Variants in PKN2 observed in about 807,000 individuals in gnomAD.
PKN2 encodes the protein protein kinase N2.
In PKN2, 38 loss-of-function variants were observed where a neutral mutation model predicts 119.1. The observed-to-expected ratio is 0.32, with a 90% CI of 0.25 to 0.42. The LOEUF is 0.42. PKN2 is among the 10% of genes least tolerant of loss of function. The pLI, the probability that PKN2 is intolerant of heterozygous loss-of-function variation, is 1.00. For synonymous variants in PKN2, 390 were observed against 384.9 expected (o/e 1.01, Z -0.15); for missense variants, 850 against 1,165.1 (o/e 0.73, Z 3.94).
chr1:88,700,519 TACTC>T (rs1666730306), intron 1 of PKN2, among the ~76,000 whole-genome samples: 1 of 152,192 alleles, frequency 6.6e-6, no homozygotes, highest in African/African-American at 2.4e-5. Flanking sequence ...AAGGAGTACA[TACTC>T]AGAGAGGCAC....
chr1:88,791,337 T>C (rs1670829279), intron 8 of PKN2, among the ~76,000 whole-genome samples: 1 of 151,482 alleles, frequency 6.6e-6, no homozygotes, highest in African/African-American at 2.4e-5. Flanking sequence ...CCTAGGAGGC[T>C]GAGGCATGCG....
chr1:88,689,421 T>C (rs944337883), intron 1 of PKN2, among the ~76,000 whole-genome samples: 1 of 152,194 alleles, frequency 6.6e-6, no homozygotes, highest in Non-Finnish European at 1.5e-5. Flanking sequence ...TAAAAACTTT[T>C]TTCTTGCCAC....
intron 8 of PKN2, among the ~76,000 whole-genome samples, chr1:88,789,013 A>T (rs1340723385): frequency 6.6e-6 from 1 of 152,190 alleles, no homozygotes; most frequent in Non-Finnish European, 1.5e-5. Context: ...CTTTATCAAT[A>T]TTAGAAACAG....
chr1:88,787,038 G>T (rs1557610940), intron 8 of PKN2, among the ~76,000 whole-genome samples: 2 of 151,456 alleles, frequency 1.3e-5, no homozygotes, highest in Non-Finnish European at 3.0e-5. Context: ...TCAATGTTTT[G>T]CAGTCTCTAA....
At chr1:88,759,362 CAGAA>C (rs1401881349) in intron 2 of PKN2, among the ~76,000 whole-genome samples, 5 of 152,056 alleles carry the variant, frequency 3.3e-5, no homozygotes, top group African/African-American at 4.8e-5. Context: ...GACTCTGTCT[CAGAA>C]AGAAAAGCCA....
At chr1:88,810,741 G>A (rs1193251001) in intron 15 of PKN2, among the ~76,000 whole-genome samples, 2 of 152,016 alleles carry the variant, frequency 1.3e-5, no homozygotes, top group Admixed American at 6.6e-5. Flanking sequence ...CAAGTAGCCA[G>A]GATTACAGGT....
intron 1 of PKN2, among the ~76,000 whole-genome samples, chr1:88,691,738 C>T (rs564536801): frequency 6.6e-6 from 1 of 152,286 alleles, no homozygotes; most frequent in African/African-American, 2.4e-5. Flanking sequence ...CCCTCCTTAT[C>T]CACGGTTTCA....
At chr1:88,697,992 C>A (rs1666610244) in intron 1 of PKN2, among the ~76,000 whole-genome samples, 1 of 152,110 alleles carries the variant, frequency 6.6e-6, no homozygotes, top group Non-Finnish European at 1.5e-5. Context: ...TGCTTAAAAT[C>A]TTTGAAGGAA....
chr1:88,684,744 C>T (rs1666004652), intron 1 of PKN2, 116 bp downstream of exon 1: 5 of 849,292 alleles, frequency 5.9e-6, no homozygotes, highest in Non-Finnish European at 3.4e-6. Flanking sequence ...CCGCTAAGTG[C>T]GGAAACTCCG....
At chr1:88,829,332 C>T (rs3767387) in intron 19 of PKN2, 37,907 of 499,806 alleles carry the variant, frequency 0.076, 3,262 homozygotes, top group African/African-American at 0.31. Flanking sequence ...TTCGCTACAC[C>T]AACAGCTCCA....
chr1:88,828,445 C>A (rs1360996146), intron 18 of PKN2, 36 bp from the exon 19 acceptor site: 1 of 1,536,308 alleles, frequency 6.5e-7, no homozygotes, highest in Non-Finnish European at 8.9e-7. Flanking sequence ...GATTTGTTTT[C>A]TTTGCTAACA....
intron 1 of PKN2, among the ~76,000 whole-genome samples, chr1:88,692,660 C>T (rs1354211254): frequency 1.3e-5 from 2 of 152,106 alleles, no homozygotes; most frequent in African/African-American, 4.8e-5. Context: ...TTTTACGTGG[C>T]TTCTTCAGTG....
intron 4 of PKN2, 116 bp downstream of exon 4, chr1:88,770,585 T>C: frequency 1.6e-6 from 1 of 628,408 alleles, no homozygotes; most frequent in Non-Finnish European, 2.8e-6. Flanking sequence ...TACTTTTTTT[T>C]TTTTTTCTTT....
intron 6 of PKN2, among the ~76,000 whole-genome samples, chr1:88,777,043 C>T (rs1035443689): frequency 6.6e-6 from 1 of 151,986 alleles, no homozygotes; most frequent in Admixed American, 6.6e-5. Flanking sequence ...TGATTTTTGC[C>T]TACATTGGTG....
At position 88,784,955 on chromosome 1, in the gene PKN2, CCT is replaced by C. The variant is rs1670512823; in HGVS notation, c.1171+132_1171+133del. ...ATAATTTAATTAAAAAATATTAAAA[CCT>C]GTGATGTCAGGAAACAAAAAGGCAA... On this transcript the variant is annotated intron_variant, in intron 7 of 21. Transcript: ENST00000370521. 146 of 481,470 alleles carry C rather than the reference CCT, an allele frequency of 3.0e-4. 1 individual carries two copies. In the South Asian group the frequency reaches 7.5e-3, roughly 25 times the overall value. The allele number at this position is 481,470 out of a possible 1,614,324, so 29.8% of individuals were successfully genotyped here. A position where few individuals can be genotyped will look rare whatever the true frequency, so the allele number is the denominator to read the frequency against.
chr1:88,787,549 G>A (rs193148711), intron 8 of PKN2, among the ~76,000 whole-genome samples: 2 of 152,130 alleles, frequency 1.3e-5, no homozygotes, highest in Admixed American at 1.3e-4. Flanking sequence ...ATTTGAATGA[G>A]ATAGAAAGAT....
intron 1 of PKN2, among the ~76,000 whole-genome samples, chr1:88,699,546 A>G (rs1666686247): frequency 6.6e-6 from 1 of 152,028 alleles, no homozygotes; most frequent in Non-Finnish European, 1.5e-5. Flanking sequence ...AGCATCCATT[A>G]GCTATTCTTC....
At chr1:88,734,276 C>T (rs1668255966) in intron 1 of PKN2, among the ~76,000 whole-genome samples, 1 of 152,110 alleles carries the variant, frequency 6.6e-6, no homozygotes, top group Non-Finnish European at 1.5e-5. Flanking sequence ...CTTGCCTAGA[C>T]CAGTGACATG....
chr1:88,824,865 T>A (rs1672434396), intron 18 of PKN2, among the ~76,000 whole-genome samples: 1 of 152,258 alleles, frequency 6.6e-6, no homozygotes, highest in African/African-American at 2.4e-5. Context: ...AGGATAAAGA[T>A]CATGGGCTTA....
Sources: gnomAD v4.1 joint callset for allele counts (sites outside exome capture counted in the v4.1 genomes callset) on GRCh38, gnomAD v4.1.1 for gene constraint, MANE v1.5 for transcripts, NCBI Gene and HGNC (gene_info 2026-07-23, HGNC 2026-07-21) for gene names.